PNPLA6: variants seen among roughly 807,000 people sequenced by gnomAD.
The protein encoded by PNPLA6 is patatin-like phospholipase domain-containing protein 6.
A neutral mutation model predicts 153.7 loss-of-function variants in PNPLA6; 105 were observed. That is an observed-to-expected ratio of 0.68 (90% CI 0.58 to 0.80). PNPLA6 has a LOEUF of 0.80. Ranked by LOEUF, PNPLA6 falls within the 30% of genes least tolerant of loss-of-function variation. PNPLA6 has a pLI of 0.00. For missense variants in PNPLA6, 1,423 were observed against 1,919.3 expected, an observed-to-expected ratio of 0.74 and a Z score of 4.83; for synonymous variants, 825 against 822.2, an observed-to-expected ratio of 1.00 and a Z score of -0.06.
Position 7,541,866 on chromosome 19 carries a change from AG to A in PNPLA6, c.1169-115del. 2 of 1,085,626 alleles carry A rather than the reference AG, an allele frequency of 1.8e-6. No homozygotes were observed. The highest frequency in any genetic ancestry group is 2.8e-6 in the Non-Finnish European group (2 of 719,252). The allele number at this position is 1,085,626 out of a possible 1,614,324, so 67.2% of individuals were successfully genotyped here. On this transcript the variant is annotated intron_variant, in intron 9 of 31. Coordinates refer to ENST00000600737, the MANE Select transcript of PNPLA6 (RefSeq NM_001166114.2). This position sits in a 1 kb window ranked among gnomAD's most constrained non-coding sequence, Gnocchi z 5.2. ...CGAGGAAGCTGTGGCCTCGTCCCCA[AG>A]GGCCCATTGGAATTGCTTTAACTAG...
chr19:7,560,935 C>T, intron 29 of PNPLA6, 79 bp from the exon 30 acceptor site: 1 of 903,592 alleles, frequency 1.1e-6, no homozygotes, highest in Non-Finnish European at 1.8e-6. Flanking sequence ...CTCTGAGCCC[C>T]CAATGCACCA....
At chr19:7,556,767 TGGGGTTGG>T in intron 26 of PNPLA6, 43 bp downstream of exon 26, 1 of 1,380,628 alleles carries the variant, frequency 7.2e-7, no homozygotes, top group Non-Finnish European at 1.0e-6. Flanking sequence ...TGACGCCACG[TGGGGTTGG>T]GGGGATGCTT....
At chr19:7,561,353 C>G (rs201773027) in intron 31 of PNPLA6, 36 bp downstream of exon 31, 1 of 1,505,952 alleles carries the variant, frequency 6.6e-7, no homozygotes, top group Admixed American at 1.9e-5. Flanking sequence ...CTCACATCCC[C>G]CAGAGGGTCA....
rs2023768856 is a variant in PNPLA6 at position 7,554,157 on chromosome 19, C to T, written c.2402-52C>T. ...AATGGGTATTCTTTTCTGAGTTAGG[C>T]CCCAGCCCTGTGGACCATGGTTCCC... On this transcript the variant is annotated intron_variant, in intron 19 of 31. Coordinates refer to ENST00000600737, the MANE Select transcript of PNPLA6 (RefSeq NM_001166114.2). The T allele has an allele frequency of 5.0e-6, 8 of 1,586,596 alleles. No individual in the cohort carries two copies. In the African/African-American group the frequency reaches 6.7e-5, roughly 13 times the overall value.
chr19:7,556,805 T>C, intron 26 of PNPLA6, 81 bp downstream of exon 26: 1 of 1,032,678 alleles, frequency 9.7e-7, no homozygotes, highest in East Asian at 2.4e-5. Context: ...CCGCTGAGCT[T>C]CTGGGACGTT....
Position 7,557,280 on chromosome 19 carries a change from G to A in PNPLA6, c.3393G>A (p.Leu1131=), listed in dbSNP as rs755933930. The change falls in exon 27 of 32, where the codon CTG becomes CTA. Residue 1131 remains leucine, a synonymous_variant. Coordinates refer to ENST00000600737, the MANE Select transcript of PNPLA6 (RefSeq NM_001166114.2). ...TGGATGGCGGCTACATCAACAATCT[G>A]CCAGGCAAGTGGCCGCCCGCACCAC... The part of the protein sequence containing the change: ...LLMDGGYINN[L]PADIARSMGA... 6.2e-7 allele frequency: 1 copy of A among 1,605,636 alleles called. No homozygotes were observed. The highest frequency in any genetic ancestry group is 1.1e-5 in the South Asian group (1 of 90,946).
At chr19:7,542,315 T>TTGGTCCAA (rs2023187531) in intron 10 of PNPLA6, among the ~76,000 whole-genome samples, 1 of 152,164 alleles carries the variant, frequency 6.6e-6, no homozygotes, top group African/African-American at 2.4e-5. Context: ...TTGGTATCCA[T>TTGGTCCAA]TGGTCTCAGA....
rs977865061 is a variant in PNPLA6 at position 7,561,501 on chromosome 19, C to T, written c.4037C>T (p.Ser1346Leu). 3 of 1,607,950 alleles carry T rather than the reference C, an allele frequency of 1.9e-6. No individual in the cohort carries two copies. Among genetic ancestry groups the T allele is most frequent in the Non-Finnish European group, 1.7e-6 (2 of 1,177,752 alleles). ...STASEMEEEKSILRQRRCLPQ... is the reference protein window; with the variant it reads ...STASEMEEEKLILRQRRCLPQ... ...CTTCCCTCGCAGGAGGAGGAGAAGT[C>T]GATTCTCCGGCAACGACGCTGTCTG... is the stretch of plus-strand genomic sequence containing the variant. Residue 1346 changes from serine (S) to leucine (L), a missense_variant, in exon 32 of 32, where the codon TCG (serine) becomes TTG (leucine). Ser to Leu is a moderately radical substitution (Grantham distance 145). Coordinates refer to ENST00000600737, the MANE Select transcript of PNPLA6 (RefSeq NM_001166114.2).
At position 7,545,320 on chromosome 19, in the gene PNPLA6, CCTGGCCACAGT is replaced by C. The variant is rs1276038683; in HGVS notation, c.1608+2241_1608+2251del. On this transcript the variant is annotated intron_variant, in intron 13 of 31. Coordinates refer to ENST00000600737, the MANE Select transcript of PNPLA6 (RefSeq NM_001166114.2). The stretch of plus-strand genomic sequence containing the variant: ...GGGATTACAGGCGTGATCCTCGGCA[CCTGGCCACAGT>C]CTGGAAATTCTGTCTTAGAAGGTTC... Among the ~76,000 whole-genome samples the C allele has an allele frequency of 5.3e-5, 8 of 152,228 alleles. No individual in the cohort carries two copies. In the East Asian group the frequency reaches 9.7e-4, roughly 19 times the overall value.
intron 14 of PNPLA6, 27 bp from the exon 15 acceptor site, chr19:7,550,271 T>C: frequency 6.2e-7 from 1 of 1,612,918 alleles, no homozygotes; most frequent in Non-Finnish European, 8.5e-7. Flanking sequence ...GAGGCCTTCC[T>C]CTTTCATCCC....
Position 7,555,245 on chromosome 19 carries a change from C to A in PNPLA6, c.2818-4C>A. The A allele has an allele frequency of 6.3e-7, 1 of 1,593,996 alleles. No individual in the cohort carries two copies. On this transcript the variant is annotated splice_polypyrimidine_tract_variant and splice_region_variant and intron_variant, in intron 22 of 31. Coordinates refer to ENST00000600737, the MANE Select transcript of PNPLA6 (RefSeq NM_001166114.2). The surrounding 1 kb of genome is among the most constrained non-coding windows in gnomAD (Gnocchi z 6.3). ...CTGGGTCGCGACTATCTCCCCCATC[C>A]CAGCATGAGCTCTACGAGAAGGTTT...
intron 21 of PNPLA6, 32 bp from the exon 22 acceptor site, chr19:7,554,861 G>T (rs746746419): frequency 6.4e-7 from 1 of 1,571,686 alleles, no homozygotes; most frequent in South Asian, 1.1e-5. Flanking sequence ...GTGGTGGGGC[G>T]GCTGGTGACC....
At chr19:7,560,571 G>A (rs189731116) in intron 28 of PNPLA6, 77 bp from the exon 29 acceptor site, 27 of 996,784 alleles carry the variant, frequency 2.7e-5, no homozygotes, top group South Asian at 1.4e-4. Context: ...CTTTTGAGGG[G>A]CCAGAGAATG....
chr19:7,536,586 C>A, intron 3 of PNPLA6, 40 bp downstream of exon 3: 2 of 1,324,546 alleles, frequency 1.5e-6, no homozygotes, highest in South Asian at 2.4e-5. Flanking sequence ...TAGGGGTTAT[C>A]TCAGGGGCCT....
chr19:7,561,360 G>A, intron 31 of PNPLA6, 43 bp downstream of exon 31: 1 of 1,485,386 alleles, frequency 6.7e-7, no homozygotes. Flanking sequence ...CCCCCAGAGG[G>A]TCATGAGTAC....
intron 2 of PNPLA6, 71 bp from the exon 3 acceptor site, chr19:7,536,378 C>G (rs2022870958): frequency 7.2e-7 from 1 of 1,390,296 alleles, no homozygotes; most frequent in Admixed American, 1.7e-5. Flanking sequence ...GATGGAGACC[C>G]CCTGGATCCG....
Position 7,559,142 on chromosome 19 carries a change from C to T in PNPLA6, c.3690C>T (p.Asp1230=), listed in dbSNP as rs2146117085. The change falls in exon 28 of 32, where the codon GAC becomes GAT. Residue 1230 remains aspartate, a synonymous_variant. Coordinates refer to ENST00000600737, the MANE Select transcript of PNPLA6 (RefSeq NM_001166114.2). ...CFKTMDFGKF[D]QIYDVGYQYG... is the part of the protein sequence containing the mutation. ...AGACCATGGACTTTGGGAAGTTCGACCAGATCTATGTGAGTGGGCAGGAGT... is the reference window on the plus strand; with the variant it reads ...AGACCATGGACTTTGGGAAGTTCGATCAGATCTATGTGAGTGGGCAGGAGT... 1 of 1,614,066 alleles carries T rather than the reference C, an allele frequency of 6.2e-7. No homozygotes were observed. The highest frequency in any genetic ancestry group is 8.5e-7 in the Non-Finnish European group (1 of 1,179,944).
intron 27 of PNPLA6, 28 bp from the exon 28 acceptor site, chr19:7,558,822 C>A: frequency 6.3e-7 from 1 of 1,584,592 alleles, no homozygotes; most frequent in African/African-American, 1.3e-5. Flanking sequence ...CCGAGGGGAG[C>A]AGCCCGCTGA....
chr19:7,541,892 G>T lies in PNPLA6; in HGVS notation c.1169-92G>T, dbSNP rs1260641980. The stretch of plus-strand genomic sequence containing the variant: ...GGGCCCATTGGAATTGCTTTAACTA[G>T]TTAATCAGTCGCCAGCATCTCCTTA... On this transcript the variant is annotated intron_variant, in intron 9 of 31. Transcript: ENST00000600737. This position sits in a 1 kb window ranked among gnomAD's most constrained non-coding sequence, Gnocchi z 5.2. 19 of 1,239,624 alleles carry T rather than the reference G, an allele frequency of 1.5e-5. No homozygotes were observed. Among genetic ancestry groups the T allele is most frequent in the Non-Finnish European group, 2.1e-5 (18 of 851,698 alleles). The allele number at this position is 1,239,624 out of a possible 1,614,324, so 76.8% of individuals were successfully genotyped here. A position where few individuals can be genotyped will look rare whatever the true frequency, so the allele number is the denominator to read the frequency against.
Sources: gnomAD v4.1 joint callset for allele counts (sites outside exome capture counted in the v4.1 genomes callset) on GRCh38, gnomAD v4.1.1 for gene constraint, Gnocchi (gnomAD v3.1) non-coding constraint, MANE v1.5 for transcripts, NCBI Gene and HGNC (gene_info 2026-07-23, HGNC 2026-07-21) for gene names.